GRB2: variants seen among roughly 807,000 people sequenced by gnomAD.
GRB2 encodes the protein growth factor receptor bound protein 2.
A neutral mutation model predicts 27.4 loss-of-function variants in GRB2; 2 were observed. The observed-to-expected ratio is 0.07, with a 90% CI of 0.03 to 0.23. GRB2 has a LOEUF of 0.23. GRB2 is among the 10% of genes least tolerant of loss of function. GRB2 has a pLI of 1.00. For synonymous variants in GRB2, 94 were observed against 99.6 expected, an observed-to-expected ratio of 0.94 and a Z score of 0.33; for missense variants, 102 against 282.4, an observed-to-expected ratio of 0.36 and a Z score of 4.58.
intron 2 of GRB2, among the ~76,000 whole-genome samples, chr17:75,343,049 C>CAAAAAAAAAAAAAAAAAAAA (rs56264803): frequency 3.4e-5 from 2 of 58,594 alleles, no homozygotes; most frequent in African/African-American, 1.4e-4. Context: ...AACCTTGTCT[C>CAAAAAAAAAAAAAAAAAAAA]AAAAAAAAAA....
rs1167083622 is a variant in GRB2, at chr17:75,318,948, AG to A, written c.*1419del. 3 of 145,320 alleles carry A rather than the reference AG, an allele frequency of 2.1e-5. No homozygotes were observed. The highest frequency in any genetic ancestry group is 4.0e-4 in the East Asian group (2 of 4,958). The allele number at this position is 145,320 out of a possible 1,614,324, so 9.0% of individuals were successfully genotyped here. On this transcript the variant is annotated 3_prime_UTR_variant, in exon 6 of 6. Transcript: ENST00000316804. ...GCTGGTTCCAGGGGTGCATATAGGG[AG>A]GGGGCGGGGGCCACAACCCCCGAGA...
intron 1 of GRB2, among the ~76,000 whole-genome samples, chr17:75,404,298 C>T (rs1327540453): frequency 6.6e-6 from 1 of 152,234 alleles, no homozygotes; most frequent in East Asian, 1.9e-4. Flanking sequence ...TCTTTTGAGC[C>T]TCCCCGTTCT....
At chr17:75,341,766 G>C (rs577056449) in intron 2 of GRB2, among the ~76,000 whole-genome samples, 31 of 152,182 alleles carry the variant, frequency 2.0e-4, no homozygotes, top group Non-Finnish European at 3.1e-4. Flanking sequence ...GCTCAAAGTG[G>C]GGATCAGTGT....
chr17:75,351,858 CA>C (rs1299241090), intron 2 of GRB2, among the ~76,000 whole-genome samples: 3 of 152,138 alleles, frequency 2.0e-5, no homozygotes, highest in Non-Finnish European at 2.9e-5. Context: ...AAAATCTTTA[CA>C]ATCTATGAAA....
intron 2 of GRB2, among the ~76,000 whole-genome samples, chr17:75,391,383 T>A (rs1435222044): frequency 6.6e-6 from 1 of 152,120 alleles, no homozygotes; most frequent in Non-Finnish European, 1.5e-5. Context: ...TCCCTAATAA[T>A]AGGATGGGAA....
chr17:75,384,139 C>T (rs538547957), intron 2 of GRB2, among the ~76,000 whole-genome samples: 10 of 152,210 alleles, frequency 6.6e-5, no homozygotes, highest in African/African-American at 2.2e-4. Context: ...GCCAAAAGGA[C>T]GAAGGTTTTC....
rs557564982 is a variant in GRB2, at chr17:75,393,735, G to A, written c.-107C>T. ...TAGCCTCGCCTCTCTTCTGGGACTC[G>A]CTCCGGCACTCTGGGACACACAATG... On this transcript the variant is annotated 5_prime_UTR_variant, in exon 2 of 6. Coordinates refer to ENST00000316804, the MANE Select transcript of GRB2 (RefSeq NM_002086.5). The A allele has an allele frequency of 1.8e-4, 145 of 812,880 alleles. No individual in the cohort carries two copies. The highest frequency in any genetic ancestry group is 3.6e-4 in the Admixed American group (18 of 50,652). The allele number at this position is 812,880 out of a possible 1,614,324, so 50.4% of individuals were successfully genotyped here.
chr17:75,326,570 G>A (rs1188050647), intron 3 of GRB2, among the ~76,000 whole-genome samples: 1 of 152,202 alleles, frequency 6.6e-6, no homozygotes, highest in South Asian at 2.1e-4. Context: ...CAGTAACTAA[G>A]GTCAGCATTC....
chr17:75,342,545 C>A (rs1270017896), intron 2 of GRB2, among the ~76,000 whole-genome samples: 2 of 152,130 alleles, frequency 1.3e-5, no homozygotes, highest in East Asian at 3.9e-4. Context: ...GCTGGGAATA[C>A]AGGCATGAGC....
At chr17:75,326,484 C>T in intron 3 of GRB2, 1 of 164,728 alleles carries the variant, frequency 6.1e-6, no homozygotes, top group Non-Finnish European at 1.3e-5. Context: ...ACCTGGACGG[C>T]CAGGAGCTGG....
chr17:75,350,777 G>C (rs2078686866), intron 2 of GRB2, among the ~76,000 whole-genome samples: 2 of 152,264 alleles, frequency 1.3e-5, no homozygotes, highest in East Asian at 1.9e-4. Flanking sequence ...CAGGCGTGAA[G>C]CACCGTGCCT....
At chr17:75,352,381 C>T (rs1006708103) in intron 2 of GRB2, among the ~76,000 whole-genome samples, 13 of 152,326 alleles carry the variant, frequency 8.5e-5, no homozygotes, top group African/African-American at 1.4e-4. Context: ...GGGACTAAGA[C>T]GGCTAAATGA....
chr17:75,349,885 TG>T (rs1210790339), intron 2 of GRB2, among the ~76,000 whole-genome samples: 1 of 151,890 alleles, frequency 6.6e-6, no homozygotes, highest in African/African-American at 2.4e-5. Context: ...TTGGCAAAGA[TG>T]AAAATAAGTT....
chr17:75,405,569 C>T lies in GRB2; in HGVS notation c.-218G>A, dbSNP rs916751989. 13 of 155,844 alleles carry T rather than the reference C, an allele frequency of 8.3e-5. No homozygotes were observed. Among genetic ancestry groups the T allele is most frequent in the South Asian group, 4.7e-4 (3 of 6,434 alleles). 9.7% of individuals were successfully genotyped at this position (155,844 alleles called of 1,614,324 possible). A position where few individuals can be genotyped will look rare whatever the true frequency, so the allele number is the denominator to read the frequency against. Reference sequence around the variant, plus strand: ...GGCCGGCGACCCCAAGGCTGCTCTGCGAGGGCAGCGCTTGCTCCCGCCGCC... The same window carrying T: ...GGCCGGCGACCCCAAGGCTGCTCTGTGAGGGCAGCGCTTGCTCCCGCCGCC... On this transcript the variant is annotated 5_prime_UTR_variant, in exon 1 of 6. Coordinates refer to ENST00000316804, the MANE Select transcript of GRB2 (RefSeq NM_002086.5).
intron 2 of GRB2, among the ~76,000 whole-genome samples, chr17:75,365,690 A>G: frequency 6.6e-6 from 1 of 152,242 alleles, no homozygotes; most frequent in East Asian, 1.9e-4. Context: ...GGATAGAAAG[A>G]AAATGAGTGA....
chr17:75,372,003 C>T (rs2078859894), intron 2 of GRB2: 1 of 152,118 alleles, frequency 6.6e-6, no homozygotes, highest in Admixed American at 6.6e-5. Flanking sequence ...GCGTAAAACA[C>T]AGTTCTGAAA....
chr17:75,404,768 A>T (rs1368877609), intron 1 of GRB2: 2 of 152,098 alleles, frequency 1.3e-5, no homozygotes, highest in African/African-American at 4.8e-5. Flanking sequence ...TCCCCTGCAA[A>T]CTGCACTTTC....
chr17:75,354,904 T>C (rs147254039), intron 2 of GRB2, among the ~76,000 whole-genome samples: 1 of 152,234 alleles, frequency 6.6e-6, no homozygotes, highest in African/African-American at 2.4e-5. Flanking sequence ...CAGTTCATGC[T>C]TGTAATCTCA....
chr17:75,362,429 GA>G (rs1567867455), intron 2 of GRB2, among the ~76,000 whole-genome samples: 1 of 152,158 alleles, frequency 6.6e-6, no homozygotes, highest in African/African-American at 2.4e-5. Context: ...GAAAAATCAA[GA>G]CCTAGCTCAT....
Sources: allele counts gnomAD v4.1 joint callset (sites outside exome capture counted in the v4.1 genomes callset), GRCh38; gene constraint gnomAD v4.1.1; transcripts MANE v1.5; gene names NCBI Gene and HGNC (gene_info 2026-07-23, HGNC 2026-07-21).